The following CDH23 variants were observed in gnomAD, a reference collection of about 807,000 sequenced individuals.
CDH23 encodes cadherin-23.
CDH23 carries 189 observed loss-of-function variants against 317.1 expected under a neutral mutation model. That is an observed-to-expected ratio of 0.60 (90% CI 0.53 to 0.67). CDH23 has a LOEUF of 0.67. Among genes scored for constraint, CDH23 ranks in the 30% least tolerant of loss-of-function variants. The probability of loss-of-function intolerance (pLI) is 0.00; values close to 1 mark genes in which losing one functional copy is unlikely to be tolerated. For synonymous variants in CDH23, 1,839 were observed against 1,876.8 expected, an observed-to-expected ratio of 0.98 and a Z score of 0.52; for missense variants, 4,401 against 4,592.4, an observed-to-expected ratio of 0.96 and a Z score of 1.20.
chr10:71,782,853 C>T lies in CDH23; in HGVS notation c.5369-1434C>T, dbSNP rs186333799. ...CCCAGGCAGGGTGAAGCCTATGGGA[C>T]GGGAAGAGCCTGGGAGCGGAAGGGC... On this transcript the variant is annotated intron_variant, in intron 41 of 69. Transcript: ENST00000224721. Among the ~76,000 whole-genome samples the T allele has an allele frequency of 3.1e-3, 475 of 152,318 alleles. 1 individual carries two copies. The highest frequency in any genetic ancestry group is 0.011 in the African/African-American group (448 of 41,570).
At chr10:71,425,008 A>G (rs1297128087) in intron 1 of CDH23, among the ~76,000 whole-genome samples, 1 of 152,078 alleles carries the variant, frequency 6.6e-6, no homozygotes. Flanking sequence ...AAGGACGCTG[A>G]GGCCTGGAGA....
At chr10:71,730,358 CA>C in intron 30 of CDH23, 110 bp from the exon 31 acceptor site, 1 of 1,408,838 alleles carries the variant, frequency 7.1e-7, no homozygotes, top group Admixed American at 2.3e-5. Flanking sequence ...AGGGAGCTCA[CA>C]GCAGGCCCAG....
chr10:71,550,559 C>CAAAAAAAAAAAAAAAA (rs1222399834), intron 6 of CDH23, among the ~76,000 whole-genome samples: 1 of 45,760 alleles, frequency 2.2e-5, no homozygotes, highest in Non-Finnish European at 4.1e-5. Flanking sequence ...GACCCTGTCT[C>CAAAAAAAAAAAAAAAA]AAAAAAAAAA....
intron 3 of CDH23, among the ~76,000 whole-genome samples, chr10:71,484,094 G>GT (rs1345815713): frequency 2.0e-5 from 3 of 152,228 alleles, no homozygotes; most frequent in African/African-American, 7.2e-5. Context: ...GTATCTGGAT[G>GT]TGGGGGGTGA....
intron 11 of CDH23, among the ~76,000 whole-genome samples, chr10:71,626,020 C>T (rs909656066): frequency 2.6e-5 from 4 of 152,210 alleles, no homozygotes; most frequent in Admixed American, 6.5e-5. Flanking sequence ...ATACCATTTA[C>T]GCTCATCACT....
chr10:71,789,367 G>C (rs1841184143), intron 45 of CDH23, among the ~76,000 whole-genome samples: 1 of 152,148 alleles, frequency 6.6e-6, no homozygotes, highest in Non-Finnish European at 1.5e-5. Flanking sequence ...ACCCCTCACT[G>C]CTCCCTCCAC....
chr10:71,604,744 T>A (rs903078062), intron 9 of CDH23, among the ~76,000 whole-genome samples: 1 of 152,222 alleles, frequency 6.6e-6, no homozygotes, highest in Non-Finnish European at 1.5e-5. Flanking sequence ...TCCTGCAGAA[T>A]CTTCCAGGGC....
intron 18 of CDH23, among the ~76,000 whole-genome samples, chr10:71,685,476 C>T (rs1162190712): frequency 6.6e-6 from 1 of 152,136 alleles, no homozygotes. Flanking sequence ...CACTTTTTGT[C>T]CCTGCAAATA....
intron 3 of CDH23, among the ~76,000 whole-genome samples, chr10:71,487,491 G>A (rs934728221): frequency 2.0e-5 from 3 of 152,112 alleles, no homozygotes; most frequent in South Asian, 2.1e-4. Flanking sequence ...TGCAAACAGC[G>A]GTTCTTGCAA....
At chr10:71,398,781 G>A (rs757975825) in intron 1 of CDH23, among the ~76,000 whole-genome samples, 3 of 152,176 alleles carry the variant, frequency 2.0e-5, no homozygotes, top group Non-Finnish European at 4.4e-5. Context: ...AAGGCAGAGT[G>A]TCTCGTGGTA....
intron 11 of CDH23, among the ~76,000 whole-genome samples, chr10:71,642,682 G>A (rs1374601840): frequency 2.0e-5 from 3 of 152,122 alleles, no homozygotes; most frequent in Non-Finnish European, 2.9e-5. Flanking sequence ...TTACAGGCAT[G>A]AGCCACCGCA....
At chr10:71,806,091 G>C in intron 56 of CDH23, 77 bp from the exon 57 acceptor site, 1 of 1,531,524 alleles carries the variant, frequency 6.5e-7, no homozygotes, top group Non-Finnish European at 8.8e-7. Context: ...AGTCCCTAGG[G>C]GAACTGGCCA....
chr10:71,811,510 G>A lies in CDH23; in HGVS notation c.9199-1G>A, dbSNP rs2133002032. 3.7e-6 allele frequency: 6 copies of A among 1,614,010 alleles called. No individual in the cohort carries two copies. Among genetic ancestry groups the A allele is most frequent in the Non-Finnish European group, 4.2e-6 (5 of 1,179,892 alleles). On this transcript the variant is annotated splice_acceptor_variant, in intron 63 of 69. Transcript: ENST00000224721. LOFTEE classifies it high-confidence loss of function. ...GGCTTACCCTGGTCCTGCTCCCGCAGATGGCGATCATCGTCCTGGCTATCC... is the reference window on the plus strand; with the variant it reads ...GGCTTACCCTGGTCCTGCTCCCGCAAATGGCGATCATCGTCCTGGCTATCC...
chr10:71,759,902 TATAC>T (rs1840269947), intron 38 of CDH23, among the ~76,000 whole-genome samples: 6 of 83,868 alleles, frequency 7.2e-5, no homozygotes, highest in African/African-American at 2.5e-4. Context: ...CACACACATA[TATAC>T]ACACACACAT....
At chr10:71,467,431 C>T (rs186689234) in intron 3 of CDH23, among the ~76,000 whole-genome samples, 4 of 152,236 alleles carry the variant, frequency 2.6e-5, no homozygotes, top group East Asian at 3.9e-4. Context: ...AGCTTCCAGG[C>T]GATGGTGATG....
At chr10:71,754,613 G>T (rs960441983) in intron 38 of CDH23, among the ~76,000 whole-genome samples, 1 of 152,158 alleles carries the variant, frequency 6.6e-6, no homozygotes, top group African/African-American at 2.4e-5. Context: ...TTGTGCCCAT[G>T]ACTTAAAGCC....
chr10:71,625,114 A>C (rs1861651789), intron 11 of CDH23, among the ~76,000 whole-genome samples: 1 of 152,024 alleles, frequency 6.6e-6, no homozygotes, highest in Non-Finnish European at 1.5e-5. Context: ...TGGGGATAGA[A>C]AGTCAGCCTC....
At chr10:71,437,208 G>T (rs1849660955) in intron 1 of CDH23, among the ~76,000 whole-genome samples, 2 of 152,266 alleles carry the variant, frequency 1.3e-5, no homozygotes, top group South Asian at 4.2e-4. Flanking sequence ...AGATAATATG[G>T]CAGCGTCTAG....
chr10:71,570,795 A>G lies in CDH23; in HGVS notation c.630A>G (p.Gln210=). ...TGTTCTCTCCGCTCTCTAAGGATCA[A>G]GACAAGACCAGGCCTCTGTCCACCC... ...AYQLTVNATD[Q]DKTRPLSTLA... is the part of the protein sequence containing the mutation. Residue 210 remains glutamine (Q), a synonymous_variant, in exon 8 of 70, where the codon CAA becomes CAG. Transcript: ENST00000224721. 1.2e-6 allele frequency: 2 copies of G among 1,610,894 alleles called. No individual in the cohort carries two copies. The highest frequency in any genetic ancestry group is 1.7e-6 in the Non-Finnish European group (2 of 1,178,514).
Sources: allele counts gnomAD v4.1 joint callset (sites outside exome capture counted in the v4.1 genomes callset), GRCh38; gene constraint gnomAD v4.1.1; transcripts MANE v1.5; gene names NCBI Gene and HGNC (gene_info 2026-07-23, HGNC 2026-07-21).